Variants in CNTNAP2 observed in about 807,000 individuals in gnomAD.
CNTNAP2 encodes contactin associated protein 2, also known as contactin-associated protein-like 2.
A neutral mutation model predicts 155.2 loss-of-function variants in CNTNAP2; 98 were observed. The observed-to-expected ratio is 0.63, with a 90% CI of 0.54 to 0.75. The LOEUF is 0.75. CNTNAP2 is among the 30% of genes least tolerant of loss of function. CNTNAP2 has a pLI of 0.00. For missense variants in CNTNAP2, 1,727 were observed against 1,688.1 expected (o/e 1.02, Z -0.40); for synonymous variants, 651 against 631.2 (o/e 1.03, Z -0.47).
chr7:147,582,291 A>G (rs1218194327), intron 12 of CNTNAP2, among the ~76,000 whole-genome samples: 1 of 152,128 alleles, frequency 6.6e-6, no homozygotes, highest in Non-Finnish European at 1.5e-5. Flanking sequence ...GGTTCACTTT[A>G]CTAAAATGTA....
chr7:147,503,045 C>T (rs567173620), intron 11 of CNTNAP2, among the ~76,000 whole-genome samples: 1 of 152,210 alleles, frequency 6.6e-6, no homozygotes, highest in African/African-American at 2.4e-5. Flanking sequence ...AATAAATAAC[C>T]ACATTCTTGC....
At chr7:146,309,322 G>A (rs1309361767) in intron 1 of CNTNAP2, among the ~76,000 whole-genome samples, 2 of 152,086 alleles carry the variant, frequency 1.3e-5, no homozygotes, top group Non-Finnish European at 2.9e-5. Flanking sequence ...CCTGAAGAAG[G>A]GGTCTCTGTT....
intron 21 of CNTNAP2, among the ~76,000 whole-genome samples, chr7:148,363,416 C>T (rs1798663359): frequency 6.6e-6 from 1 of 151,074 alleles, no homozygotes; most frequent in African/African-American, 2.5e-5. Flanking sequence ...TTTATTCTGA[C>T]AATATACAAG....
intron 8 of CNTNAP2, among the ~76,000 whole-genome samples, chr7:147,184,389 A>C (rs1242501283): frequency 6.6e-6 from 1 of 152,152 alleles, no homozygotes; most frequent in African/African-American, 2.4e-5. Context: ...GGCAGACAGA[A>C]AAATTCTCAA....
chr7:148,153,005 A>G (rs1215620182), intron 17 of CNTNAP2, among the ~76,000 whole-genome samples: 2 of 132,036 alleles, frequency 1.5e-5, no homozygotes, highest in Non-Finnish European at 3.1e-5. Flanking sequence ...TGGGTGACTG[A>G]GCAAGACTCC....
chr7:148,137,051 G>T (rs1804968272), intron 16 of CNTNAP2, among the ~76,000 whole-genome samples: 1 of 152,182 alleles, frequency 6.6e-6, no homozygotes, highest in South Asian at 2.1e-4. Context: ...GGGATGCTGT[G>T]AAGTGATTTC....
intron 12 of CNTNAP2, among the ~76,000 whole-genome samples, chr7:147,592,032 C>T (rs1264014183): frequency 2.0e-5 from 3 of 152,190 alleles, no homozygotes; most frequent in Non-Finnish European, 4.4e-5. Flanking sequence ...GCTGTTCTTC[C>T]TCTGTCTCCC....
intron 19 of CNTNAP2, among the ~76,000 whole-genome samples, chr7:148,227,884 C>CGTGTGTGTGTGTGTGTGT (rs3057282): frequency 7.6e-6 from 1 of 131,406 alleles, no homozygotes; most frequent in East Asian, 2.3e-4. Context: ...AAGAGCACAG[C>CGTGTGTGTGTGTGTGTGT]GTGTGTGTGT....
chr7:147,163,049 A>T (rs1162965301), intron 8 of CNTNAP2, among the ~76,000 whole-genome samples: 2 of 152,172 alleles, frequency 1.3e-5, no homozygotes, highest in Non-Finnish European at 2.9e-5. Flanking sequence ...AGCCTCTGTC[A>T]TGAAAACTAG....
chr7:146,126,935 C>T lies in CNTNAP2; in HGVS notation c.97+9962C>T, dbSNP rs148191647. Among the ~76,000 whole-genome samples the T allele has an allele frequency of 2.3e-3, 351 of 152,250 alleles. 2 individuals carry two copies. The highest frequency in any genetic ancestry group is 0.014 in the Middle Eastern group (4 of 294). ...TCCCTCCAGGCATTAATTTAGTAGC[C>T]TCCTGGTATGTCTCCCGGATTCTAA... On this transcript the variant is annotated intron_variant, in intron 1 of 23. Coordinates refer to ENST00000361727, the MANE Select transcript of CNTNAP2 (RefSeq NM_014141.6).
chr7:146,259,066 A>G (rs569917744), intron 1 of CNTNAP2, among the ~76,000 whole-genome samples: 14 of 152,214 alleles, frequency 9.2e-5, no homozygotes, highest in African/African-American at 3.1e-4. Flanking sequence ...CTGATGGTTT[A>G]AAAGTGGAAG....
chr7:146,723,555 G>T (rs377653802), intron 1 of CNTNAP2, among the ~76,000 whole-genome samples: 85 of 152,218 alleles, frequency 5.6e-4, no homozygotes, highest in African/African-American at 2.0e-3. Context: ...ATAGCCAACG[G>T]TTACATTCAA....
At chr7:147,443,491 A>C (rs1158851286) in intron 10 of CNTNAP2, among the ~76,000 whole-genome samples, 1 of 152,112 alleles carries the variant, frequency 6.6e-6, no homozygotes, top group Admixed American at 6.5e-5. Context: ...CTCTTTCAAT[A>C]ATAGGAAGTT....
At chr7:147,482,601 G>T (rs1367094244) in intron 10 of CNTNAP2, among the ~76,000 whole-genome samples, 1 of 151,998 alleles carries the variant, frequency 6.6e-6, no homozygotes, top group African/African-American at 2.4e-5. Flanking sequence ...GGTGCCTGTG[G>T]TCCCAGCTGC....
chr7:148,122,855 C>CAA (rs1226178688), intron 16 of CNTNAP2, among the ~76,000 whole-genome samples: 2 of 136,934 alleles, frequency 1.5e-5, no homozygotes, highest in African/African-American at 5.8e-5. Flanking sequence ...GAATACATCT[C>CAA]AAAAAAAAAA....
intron 3 of CNTNAP2, among the ~76,000 whole-genome samples, chr7:147,024,911 G>A (rs983766322): frequency 6.6e-6 from 1 of 152,022 alleles, no homozygotes; most frequent in African/African-American, 2.4e-5. Context: ...TAAGGGGGAG[G>A]TGCCCCACAC....
intron 1 of CNTNAP2, among the ~76,000 whole-genome samples, chr7:146,233,010 C>T (rs802552): frequency 6.6e-6 from 1 of 151,856 alleles, no homozygotes; most frequent in African/African-American, 2.4e-5. Flanking sequence ...GAATGTAATC[C>T]GTTTAGGGAT....
rs183896650 is a variant in CNTNAP2, at chr7:147,092,758, T to C, written c.551-15389T>C. Among the ~76,000 whole-genome samples the C allele has an allele frequency of 6.8e-4, 104 of 152,334 alleles. 1 individual carries two copies. The highest frequency in any genetic ancestry group is 2.9e-3 in the Admixed American group (44 of 15,310). On this transcript the variant is annotated intron_variant, in intron 4 of 23. Transcript: ENST00000361727. ...AGGAATCTCAGATTCTACATACCTCTGTACTACAAAAACTAAACTTATTGT... is the reference window on the plus strand; with the variant it reads ...AGGAATCTCAGATTCTACATACCTCCGTACTACAAAAACTAAACTTATTGT...
At chr7:147,532,624 C>T (rs1262994108) in intron 11 of CNTNAP2, among the ~76,000 whole-genome samples, 2 of 152,168 alleles carry the variant, frequency 1.3e-5, no homozygotes, top group Non-Finnish European at 2.9e-5. Flanking sequence ...TTTCATGCTG[C>T]TGATGAAGAC....
Sources: allele counts gnomAD v4.1 joint callset (sites outside exome capture counted in the v4.1 genomes callset), GRCh38; gene constraint gnomAD v4.1.1; transcripts MANE v1.5; gene names NCBI Gene and HGNC (gene_info 2026-07-23, HGNC 2026-07-21).